The following HECTD4 variants were observed in gnomAD, a reference collection of about 807,000 sequenced individuals.
The protein encoded by HECTD4 is HECT domain E3 ubiquitin protein ligase 4.
HECTD4 carries 114 observed loss-of-function variants against 471.5 expected under a neutral mutation model. That is an observed-to-expected ratio of 0.24 (90% confidence interval 0.21 to 0.28). The LOEUF (loss-of-function observed/expected upper bound fraction) is 0.28. Ranked by LOEUF, HECTD4 falls within the 10% of genes least tolerant of loss-of-function variation. The pLI, the probability that HECTD4 is intolerant of heterozygous loss-of-function variation, is 1.00. For synonymous variants in HECTD4, 2,012 were observed against 2,256.0 expected (o/e 0.89, Z 3.07); for missense variants, 3,866 against 5,651.5 (o/e 0.68, Z 10.13).
rs371259942 is a variant in HECTD4, at chr12:112,283,309, T to C, written c.1336-7A>G. The C allele has an allele frequency of 3.9e-5, 62 of 1,596,076 alleles. No homozygotes were observed. In the Admixed American group the frequency reaches 5.6e-4, roughly 14 times the overall value. On this transcript the variant is annotated splice_region_variant and splice_polypyrimidine_tract_variant and intron_variant, in intron 7 of 75. Coordinates refer to ENST00000682272, the MANE Select transcript of HECTD4 (RefSeq NM_001388303.1). Reference sequence around the variant, plus strand: ...CAAATACACCATTTTCAACCTAACATAGAAAAAAAGGAGGTCCTAAAATGA... The same window carrying C: ...CAAATACACCATTTTCAACCTAACACAGAAAAAAAGGAGGTCCTAAAATGA...
chr12:112,229,339 C>G (rs1188335101), intron 41 of HECTD4, among the ~76,000 whole-genome samples: 1 of 151,728 alleles, frequency 6.6e-6, no homozygotes, highest in South Asian at 2.1e-4. Flanking sequence ...AACAAACAAA[C>G]AAACAAACAA....
chr12:112,323,974 CT>C (rs2035656039), intron 1 of HECTD4, among the ~76,000 whole-genome samples: 3 of 17,590 alleles, frequency 1.7e-4, no homozygotes, highest in Admixed American at 1.4e-3. Context: ...TTCTTCCTTC[CT>C]TCCTTCCTTC....
At chr12:112,209,574 C>T (rs2032701801) in intron 50 of HECTD4, among the ~76,000 whole-genome samples, 1 of 152,210 alleles carries the variant, frequency 6.6e-6, no homozygotes, top group South Asian at 2.1e-4. Flanking sequence ...GATCTGCCCA[C>T]CTCGGCCTCC....
intron 19 of HECTD4, 35 bp from the exon 20 acceptor site, chr12:112,258,631 C>A: frequency 6.5e-7 from 1 of 1,535,850 alleles, no homozygotes; most frequent in Non-Finnish European, 8.8e-7. Context: ...TCTTCCAGGG[C>A]TACTGTCAGT....
intron 1 of HECTD4, among the ~76,000 whole-genome samples, chr12:112,331,758 G>A (rs1178196652): frequency 2.0e-5 from 3 of 152,176 alleles, no homozygotes; most frequent in Non-Finnish European, 4.4e-5. Flanking sequence ...TGGCATAAGC[G>A]AGGTTTGAGT....
chr12:112,165,441 T>A (rs1489169018), intron 72 of HECTD4, among the ~76,000 whole-genome samples: 1 of 147,534 alleles, frequency 6.8e-6, no homozygotes, highest in Admixed American at 7.0e-5. Context: ...AAGCTCCGCC[T>A]CTCGAGTTCA....
Position 112,160,796 on chromosome 12 carries a change from G to A in HECTD4, c.*1591C>T, listed in dbSNP as rs1217679063. On this transcript the variant is annotated 3_prime_UTR_variant, in exon 76 of 76. Coordinates refer to ENST00000682272, the MANE Select transcript of HECTD4 (RefSeq NM_001388303.1). ...ACCCCCCACACTCAAAGGAGCTGTG[G>A]CCGCTGGGGAGGCAGCGGGCTGACC... is the stretch of plus-strand genomic sequence containing the variant. The A allele has an allele frequency of 6.6e-6, 1 of 152,132 alleles. No homozygotes were observed. Among genetic ancestry groups the A allele is most frequent in the Non-Finnish European group, 1.5e-5 (1 of 68,016 alleles). The allele number at this position is 152,132 out of a possible 1,614,324, so 9.4% of individuals were successfully genotyped here.
chr12:112,263,748 CACAT>C (rs1341348002), intron 17 of HECTD4, among the ~76,000 whole-genome samples: 2 of 150,252 alleles, frequency 1.3e-5, no homozygotes, highest in African/African-American at 4.9e-5. Context: ...CACACACACA[CACAT>C]ACACATATAT....
chr12:112,173,875 T>C lies in HECTD4; in HGVS notation c.11595-1014A>G, dbSNP rs1026217418. On this transcript the variant is annotated intron_variant, in intron 66 of 75. Coordinates refer to ENST00000682272, the MANE Select transcript of HECTD4 (RefSeq NM_001388303.1). This position sits in a 1 kb window ranked among gnomAD's most constrained non-coding sequence, Gnocchi z 4.3. ...TCCATTCAGGGACTGACTCTGAGCC[T>C]TCAACAATGGTACAAAAGGCTGGCA... 1.1e-4 allele frequency among the ~76,000 whole-genome samples: 17 copies of C among 152,088 alleles called. No homozygotes were observed. Among genetic ancestry groups the C allele is most frequent in the African/African-American group, 2.4e-4 (10 of 41,418 alleles).
Position 112,382,169 on chromosome 12 carries a change from G to T in HECTD4, c.-41C>A. On this transcript the variant is annotated 5_prime_UTR_variant, in exon 1 of 76. Transcript: ENST00000682272. ...CTTGGCGCTGAGGAGCAGACGCCCG[G>T]CCGGGGGAAACGGAGCAGGAGCCGC... The T allele has an allele frequency of 8.2e-7, 1 of 1,213,784 alleles. No homozygotes were observed. Among genetic ancestry groups the T allele is most frequent in the Non-Finnish European group, 1.0e-6 (1 of 976,376 alleles). The allele number at this position is 1,213,784 out of a possible 1,614,324, so 75.2% of individuals were successfully genotyped here.
At chr12:112,174,596 AC>A (rs1262839443) in intron 66 of HECTD4, among the ~76,000 whole-genome samples, 1 of 138,848 alleles carries the variant, frequency 7.2e-6, no homozygotes, top group African/African-American at 2.8e-5. Flanking sequence ...ATGGAGTCTC[AC>A]TCTGTCGCCC....
At chr12:112,335,369 G>A (rs951051057) in intron 1 of HECTD4, among the ~76,000 whole-genome samples, 2 of 152,096 alleles carry the variant, frequency 1.3e-5, no homozygotes, top group South Asian at 2.1e-4. Context: ...TGGGGTTTGG[G>A]GACTCAGGGG....
chr12:112,322,108 A>T (rs1214980806), intron 1 of HECTD4: 1 of 92,236 alleles, frequency 1.1e-5, no homozygotes. Context: ...CTTGTCTGCT[A>T]AAAAAAAAAA....
At chr12:112,237,795 C>T (rs1261150252) in intron 34 of HECTD4, among the ~76,000 whole-genome samples, 7 of 151,054 alleles carry the variant, frequency 4.6e-5, no homozygotes, top group Non-Finnish European at 8.8e-5. Context: ...GCTCTTGTTG[C>T]CCAGGCTGGA....
At chr12:112,346,551 G>C (rs1178243779) in intron 1 of HECTD4, among the ~76,000 whole-genome samples, 1 of 152,170 alleles carries the variant, frequency 6.6e-6, no homozygotes, top group Non-Finnish European at 1.5e-5. Context: ...TTAAATGCCA[G>C]ATACTGCACT....
At chr12:112,276,394 G>A (rs890709157) in intron 9 of HECTD4, among the ~76,000 whole-genome samples, 1 of 151,754 alleles carries the variant, frequency 6.6e-6, no homozygotes, top group African/African-American at 2.4e-5. Flanking sequence ...AAAAAAGAGG[G>A]GGAAAAAAAG....
chr12:112,312,695 CAGACAAA>C (rs2035395160), intron 4 of HECTD4, among the ~76,000 whole-genome samples: 2 of 152,088 alleles, frequency 1.3e-5, no homozygotes, highest in African/African-American at 4.8e-5. Context: ...ATTCTATTAG[CAGACAAA>C]AAAATTCAAC....
intron 1 of HECTD4, among the ~76,000 whole-genome samples, chr12:112,345,479 A>C (rs978896517): frequency 3.9e-5 from 6 of 152,218 alleles, no homozygotes; most frequent in Non-Finnish European, 8.8e-5. Flanking sequence ...ATTAGTTTAC[A>C]AGAGAAAATT....
chr12:112,165,113 G>T (rs899922193), intron 72 of HECTD4, among the ~76,000 whole-genome samples: 1 of 150,316 alleles, frequency 6.7e-6, no homozygotes, highest in East Asian at 2.0e-4. Flanking sequence ...TAGAGACGGG[G>T]TTTCACCACC....
Sources: allele counts gnomAD v4.1 joint callset (sites outside exome capture counted in the v4.1 genomes callset), GRCh38; gene constraint gnomAD v4.1.1; non-coding constraint Gnocchi (gnomAD v3.1); transcripts MANE v1.5; gene names NCBI Gene and HGNC (gene_info 2026-07-23, HGNC 2026-07-21).